Variants in RCAN2 observed in about 807,000 individuals in gnomAD.
The protein encoded by RCAN2 is regulator of calcineurin 2, also known as calcipressin-2.
In RCAN2, 9 loss-of-function variants were observed where a neutral mutation model predicts 23.6. The observed-to-expected ratio is 0.38, with a 90% CI of 0.23 to 0.67. The LOEUF (loss-of-function observed/expected upper bound fraction) is 0.67. Ranked by LOEUF, RCAN2 falls within the 30% of genes least tolerant of loss-of-function variation. The pLI is 0.51. For missense variants in RCAN2, 273 were observed against 302.3 expected (o/e 0.90, Z 0.72); for synonymous variants, 109 against 115.7 (o/e 0.94, Z 0.37).
chr6:46,440,837 T>G (rs1767519735), intron 2 of RCAN2, among the ~76,000 whole-genome samples: 1 of 152,102 alleles, frequency 6.6e-6, no homozygotes, highest in East Asian at 1.9e-4. Context: ...ACGTGAACCT[T>G]ATATGGGAAA....
At chr6:46,283,985 T>C (rs1762287561) in intron 2 of RCAN2, among the ~76,000 whole-genome samples, 1 of 152,210 alleles carries the variant, frequency 6.6e-6, no homozygotes, top group African/African-American at 2.4e-5. Flanking sequence ...GTTGGTTAGA[T>C]TGCAGGTGCC....
Position 46,221,813 on chromosome 6 carries a change from T to C in RCAN2, c.*1328A>G, listed in dbSNP as rs1475522736. 2.5e-6 allele frequency: 1 copy of C among 397,326 alleles called. No homozygotes were observed. The highest frequency in any genetic ancestry group is 4.4e-6 in the Non-Finnish European group (1 of 225,456). The allele number at this position is 397,326 out of a possible 1,614,324, so 24.6% of individuals were successfully genotyped here. Reference sequence around the variant, plus strand: ...TAATTCATTAATGTACAGGAGTAGATGAGGCCTGGCACACATAGCAGAAGG... The same window carrying C: ...TAATTCATTAATGTACAGGAGTAGACGAGGCCTGGCACACATAGCAGAAGG... On this transcript the variant is annotated 3_prime_UTR_variant, in exon 5 of 5. Coordinates refer to ENST00000371374, the MANE Select transcript of RCAN2 (RefSeq NM_001251974.2).
intron 2 of RCAN2, among the ~76,000 whole-genome samples, chr6:46,272,330 G>A (rs1184124348): frequency 6.6e-6 from 1 of 152,190 alleles, no homozygotes; most frequent in Non-Finnish European, 1.5e-5. Flanking sequence ...CTTCAGCCGA[G>A]TGAAACCGAT....
At chr6:46,479,216 T>C (rs890458118) in intron 1 of RCAN2, among the ~76,000 whole-genome samples, 1 of 152,256 alleles carries the variant, frequency 6.6e-6, no homozygotes, top group African/African-American at 2.4e-5. Context: ...AAATTCAGTA[T>C]GCTAGATTTT....
intron 2 of RCAN2, among the ~76,000 whole-genome samples, chr6:46,251,641 C>T (rs760800789): frequency 6.6e-6 from 1 of 151,964 alleles, no homozygotes; most frequent in Non-Finnish European, 1.5e-5. Flanking sequence ...TTTTATGCTT[C>T]ACATCTCAGT....
At chr6:46,338,970 A>G (rs1345056) in intron 2 of RCAN2, among the ~76,000 whole-genome samples, 60,985 of 145,906 alleles carry the variant, frequency 0.42, 14,121 homozygotes, top group East Asian at 0.6. Context: ...AGCCAAGCTC[A>G]TGCCACTAGA....
At chr6:46,246,718 T>C in intron 4 of RCAN2, 30 bp downstream of exon 4, 1 of 1,603,986 alleles carries the variant, frequency 6.2e-7, no homozygotes, top group Non-Finnish European at 8.5e-7. Flanking sequence ...CTGACAAACG[T>C]TTATTTTTAA....
At chr6:46,238,940 T>C (rs537756142) in intron 4 of RCAN2, among the ~76,000 whole-genome samples, 15 of 152,364 alleles carry the variant, frequency 9.8e-5, no homozygotes, top group Non-Finnish European at 1.9e-4. Context: ...CTATGTATGA[T>C]ACTGGATATA....
intron 2 of RCAN2, among the ~76,000 whole-genome samples, chr6:46,331,077 T>G (rs1446086436): frequency 6.6e-6 from 1 of 152,262 alleles, no homozygotes; most frequent in Non-Finnish European, 1.5e-5. Flanking sequence ...CCTTCATTTA[T>G]TCATGGAACA....
intron 2 of RCAN2, among the ~76,000 whole-genome samples, chr6:46,454,243 T>G (rs1051495594): frequency 9.9e-5 from 15 of 152,228 alleles, no homozygotes; most frequent in African/African-American, 3.1e-4. Flanking sequence ...GTATGATACT[T>G]AATGTCTTAA....
chr6:46,283,818 C>A (rs149943802), intron 2 of RCAN2, among the ~76,000 whole-genome samples: 8 of 152,302 alleles, frequency 5.3e-5, no homozygotes, highest in Admixed American at 2.0e-4. Flanking sequence ...ATATTACAAA[C>A]TCATCACACT....
At chr6:46,236,764 A>G (rs1582015020) in intron 4 of RCAN2, among the ~76,000 whole-genome samples, 2 of 152,348 alleles carry the variant, frequency 1.3e-5, no homozygotes, top group East Asian at 1.9e-4. Flanking sequence ...AAAGGCAAGC[A>G]TCTATCCTCT....
chr6:46,246,961 C>G, intron 3 of RCAN2, 42 bp from the exon 4 acceptor site: 2 of 1,448,306 alleles, frequency 1.4e-6, no homozygotes, highest in Non-Finnish European at 1.8e-6. Context: ...TTCATCATGG[C>G]TTCAGATGTG....
intron 2 of RCAN2, among the ~76,000 whole-genome samples, chr6:46,338,769 T>C (rs993784959): frequency 1.3e-4 from 20 of 151,994 alleles, no homozygotes; most frequent in Admixed American, 4.6e-4. Context: ...TCCCAGCACT[T>C]TGGGAGGCCA....
intron 2 of RCAN2, among the ~76,000 whole-genome samples, chr6:46,305,456 C>G (rs1254533840): frequency 1.3e-5 from 2 of 151,954 alleles, no homozygotes; most frequent in Non-Finnish European, 2.9e-5. Flanking sequence ...CTTCTTGGCT[C>G]CCAGTCACCA....
At chr6:46,230,068 C>T (rs1034658420) in intron 4 of RCAN2, among the ~76,000 whole-genome samples, 1 of 152,208 alleles carries the variant, frequency 6.6e-6, no homozygotes, top group Non-Finnish European at 1.5e-5. Flanking sequence ...GCCTGGGTAT[C>T]ACCAGCGGAG....
rs1001207498 is a variant in RCAN2 at position 46,317,742 on chromosome 6, G to A, written c.226-68846C>T. ...GGCCTCCCAAAGTGTTGGGATTACA[G>A]GCGTAAGGCACCGCGCCCGGCCTAT... On this transcript the variant is annotated intron_variant, in intron 2 of 4. Coordinates refer to ENST00000371374, the MANE Select transcript of RCAN2 (RefSeq NM_001251974.2). 3.3e-5 allele frequency among the ~76,000 whole-genome samples: 5 copies of A among 152,304 alleles called. No individual in the cohort carries two copies. In the East Asian group the frequency reaches 9.7e-4, roughly 29 times the overall value.
At chr6:46,433,399 T>G (rs1435016432) in intron 2 of RCAN2, among the ~76,000 whole-genome samples, 1 of 152,174 alleles carries the variant, frequency 6.6e-6, no homozygotes, top group Non-Finnish European at 1.5e-5. Flanking sequence ...TACATTACTT[T>G]ACAAGGCAAA....
intron 2 of RCAN2, among the ~76,000 whole-genome samples, chr6:46,249,560 T>G (rs1417551793): frequency 6.6e-6 from 1 of 152,062 alleles, no homozygotes; most frequent in South Asian, 2.1e-4. Context: ...CCTCAAGTGA[T>G]CCACCTGTCT....
Sources: gnomAD v4.1 joint callset for allele counts (sites outside exome capture counted in the v4.1 genomes callset) on GRCh38, gnomAD v4.1.1 for gene constraint, MANE v1.5 for transcripts, NCBI Gene and HGNC (gene_info 2026-07-23, HGNC 2026-07-21) for gene names.